Variants in SNAP91 observed in about 807,000 individuals in gnomAD.
SNAP91 encodes the protein synaptosome associated protein 91.
A neutral mutation model predicts 100.3 loss-of-function variants in SNAP91; 27 were observed. The observed-to-expected ratio is 0.27, with a 90% CI of 0.20 to 0.37. The LOEUF (loss-of-function observed/expected upper bound fraction) is 0.37, where lower values mean the gene tolerates loss of function less well. SNAP91 is among the 10% of genes least tolerant of loss of function. The probability of loss-of-function intolerance (pLI) is 1.00; values close to 1 mark genes in which losing one functional copy is unlikely to be tolerated. For synonymous variants in SNAP91, 404 were observed against 398.6 expected (o/e 1.01, Z -0.16); for missense variants, 986 against 1,123.7 (o/e 0.88, Z 1.75).
intron 6 of SNAP91, among the ~76,000 whole-genome samples, chr6:83,657,826 G>T (rs1361577874): frequency 1.3e-5 from 2 of 151,168 alleles, no homozygotes; most frequent in Non-Finnish European, 1.5e-5. Context: ...GAGTGCAGTG[G>T]CATGATCTCA....
At chr6:83,582,461 C>T (rs1829881564) in intron 22 of SNAP91, 105 bp from the exon 23 acceptor site, 2 of 1,175,464 alleles carry the variant, frequency 1.7e-6, no homozygotes, top group Non-Finnish European at 2.3e-6. Flanking sequence ...GAATTAATTG[C>T]ATGTTGATTA....
intron 8 of SNAP91, among the ~76,000 whole-genome samples, chr6:83,629,270 T>C (rs112218558): frequency 0.043 from 6,554 of 152,276 alleles, 457 homozygotes; most frequent in African/African-American, 0.15. Context: ...TATGGCCTTA[T>C]AGTGTAGCTT....
At chr6:83,707,289 C>A (rs576136036) in intron 2 of SNAP91, among the ~76,000 whole-genome samples, 4 of 152,148 alleles carry the variant, frequency 2.6e-5, no homozygotes, top group African/African-American at 9.6e-5. Context: ...CCCATACTCA[C>A]AAAAACAATC....
In SNAP91 at chr6:83,616,113, TA is replaced by T. The variant is rs200242613; in HGVS notation, c.878+855del. ...AGAAAATCTACTTAAATCATACATG[TA>T]AAAAAAGAAATAGCCACAATACTGA... is the stretch of plus-strand genomic sequence containing the variant. On this transcript the variant is annotated intron_variant, in intron 10 of 29. Transcript: ENST00000369694. Among the ~76,000 whole-genome samples the T allele has an allele frequency of 8.0e-3, 1,216 of 151,964 alleles. 14 individuals carry two copies. The highest frequency in any genetic ancestry group is 0.027 in the African/African-American group (1,132 of 41,378).
chr6:83,598,113 T>C (rs2094695336), intron 16 of SNAP91, among the ~76,000 whole-genome samples: 1 of 152,180 alleles, frequency 6.6e-6, no homozygotes, highest in Admixed American at 6.5e-5. Context: ...AAAAACCCTG[T>C]GTTGTTCAAA....
At chr6:83,687,815 G>A (rs2128962468) in intron 2 of SNAP91, among the ~76,000 whole-genome samples, 1 of 152,298 alleles carries the variant, frequency 6.6e-6, no homozygotes, top group Non-Finnish European at 1.5e-5. Flanking sequence ...TTGTAGACAG[G>A]TAGAGCCAAC....
At chr6:83,559,578 G>A (rs903108593) in intron 28 of SNAP91, among the ~76,000 whole-genome samples, 1 of 152,134 alleles carries the variant, frequency 6.6e-6, no homozygotes, top group African/African-American at 2.4e-5. Context: ...GAAAAACCTC[G>A]AATTTGTAGC....
chr6:83,620,143 G>C (rs964410294), intron 9 of SNAP91, among the ~76,000 whole-genome samples: 1 of 152,178 alleles, frequency 6.6e-6, no homozygotes, highest in Non-Finnish European at 1.5e-5. Flanking sequence ...TAACCTAAAA[G>C]ATATCCATTA....
At chr6:83,678,520 A>T (rs1337429672) in intron 2 of SNAP91, among the ~76,000 whole-genome samples, 1 of 152,150 alleles carries the variant, frequency 6.6e-6, no homozygotes, top group Non-Finnish European at 1.5e-5. Flanking sequence ...CTACCCACAC[A>T]CGTGAAACTT....
At chr6:83,618,501 A>C (rs1333364852) in intron 9 of SNAP91, among the ~76,000 whole-genome samples, 2 of 151,952 alleles carry the variant, frequency 1.3e-5, no homozygotes, top group Non-Finnish European at 2.9e-5. Context: ...CAATATTTCT[A>C]AGTTTAAAAA....
At chr6:83,556,305 TG>T in intron 28 of SNAP91, 60 bp from the exon 29 acceptor site, 3 of 176,900 alleles carry the variant, frequency 1.7e-5, no homozygotes, top group Admixed American at 1.0e-4. Flanking sequence ...GAATGAGACA[TG>T]GGGGGAAGAG....
intron 2 of SNAP91, among the ~76,000 whole-genome samples, chr6:83,672,409 T>C (rs1236409298): frequency 6.6e-6 from 1 of 152,154 alleles, no homozygotes; most frequent in African/African-American, 2.4e-5. Flanking sequence ...AGCTCCATTT[T>C]TTTTTTCACC....
At chr6:83,656,970 T>C (rs2098421818) in intron 6 of SNAP91, 105 bp from the exon 7 acceptor site, 6 of 595,716 alleles carry the variant, frequency 1.0e-5, no homozygotes, top group Non-Finnish European at 1.8e-5. Context: ...TTCATGAATA[T>C]TCTACAAACA....
intron 26 of SNAP91, among the ~76,000 whole-genome samples, chr6:83,562,298 A>G (rs1323762560): frequency 2.6e-5 from 4 of 152,242 alleles, no homozygotes; most frequent in Non-Finnish European, 5.9e-5. Context: ...AAATACTAGC[A>G]TACTGGATCC....
In SNAP91 at chr6:83,582,235, GGA is replaced by G; in HGVS notation, c.2134_2135del (p.Ser712LeufsTer2). 6.2e-7 allele frequency: 1 copy of G among 1,613,596 alleles called. No individual in the cohort carries two copies. The highest frequency in any genetic ancestry group is 1.1e-5 in the South Asian group (1 of 91,050). ...TCACTGCCTCACCTGATGGATCAAA[GGA>G]GCTGCTGCTGGAAGTTGAAGGCGTT... is the stretch of plus-strand genomic sequence containing the variant. Reference protein sequence around the residue: ...GTTPSTSSSSSFDPSVFDGLG... With the variant: ...GTTPSTSSSSXFDPSVFDGLG... On this transcript the variant is annotated frameshift_variant, in exon 23 of 30. Transcript: ENST00000369694. LOFTEE classifies it high-confidence loss of function.
Position 83,614,568 on chromosome 6 carries a change from CAAAT to C in SNAP91, c.884+285_884+288del, listed in dbSNP as rs574414003. Among the ~76,000 whole-genome samples the C allele has an allele frequency of 6.0e-4, 91 of 151,916 alleles. 1 individual carries two copies. Among genetic ancestry groups the C allele is most frequent in the Admixed American group, 4.1e-3 (63 of 15,250 alleles). On this transcript the variant is annotated intron_variant, in intron 11 of 29. Coordinates refer to ENST00000369694, the MANE Select transcript of SNAP91 (RefSeq NM_001242792.2). ...ATGGGGAAGTCTTTTGTTTACTAAACAAATAAAAAATATTTCATTTCTAAAATCT... is the reference window on the plus strand; with the variant it reads ...ATGGGGAAGTCTTTTGTTTACTAAACAAAAAATATTTCATTTCTAAAATCT...
At chr6:83,560,825 A>C in intron 27 of SNAP91, 39 bp downstream of exon 27, 11 of 1,546,584 alleles carry the variant, frequency 7.1e-6, no homozygotes, top group Non-Finnish European at 9.8e-6. Context: ...AATTATTTAG[A>C]AATGTTGATT....
rs140722831 is a variant in SNAP91 at position 83,571,817 on chromosome 6, A to G, written c.2442+3193T>C. On this transcript the variant is annotated intron_variant, in intron 26 of 29. Coordinates refer to ENST00000369694, the MANE Select transcript of SNAP91 (RefSeq NM_001242792.2). Reference sequence around the variant, plus strand: ...TATGGTTTGGCTGTGTCACCACCCAAATCTTATCTTGAATTCCCATGTGTT... The same window carrying G: ...TATGGTTTGGCTGTGTCACCACCCAGATCTTATCTTGAATTCCCATGTGTT... Among the ~76,000 whole-genome samples the G allele has an allele frequency of 1.8e-3, 276 of 152,256 alleles. 1 individual carries two copies. The highest frequency in any genetic ancestry group is 6.1e-3 in the African/African-American group (255 of 41,542).
chr6:83,659,425 C>CTTT (rs397887198), intron 5 of SNAP91, among the ~76,000 whole-genome samples: 13 of 124,024 alleles, frequency 1.0e-4, no homozygotes, highest in African/African-American at 1.2e-4. Context: ...ATGTTTTCTT[C>CTTT]TTTTTTTTTT....
Sources: gnomAD v4.1 joint callset for allele counts (sites outside exome capture counted in the v4.1 genomes callset) on GRCh38, gnomAD v4.1.1 for gene constraint, MANE v1.5 for transcripts, NCBI Gene and HGNC (gene_info 2026-07-23, HGNC 2026-07-21) for gene names.